NTN1: variants seen among roughly 807,000 people sequenced by gnomAD.
The protein encoded by NTN1 is netrin-1.
NTN1 carries 11 observed loss-of-function variants against 54.2 expected under a neutral mutation model. The ratio of observed to expected loss-of-function variants is 0.20; its 90% confidence interval spans 0.13 to 0.34. NTN1 has a LOEUF of 0.34. NTN1 is among the 10% of genes least tolerant of loss of function. The pLI, the probability that NTN1 is intolerant of heterozygous loss-of-function variation, is 1.00. For missense variants in NTN1, 740 were observed against 893.1 expected (o/e 0.83, Z 2.18); for synonymous variants, 371 against 382.0 (o/e 0.97, Z 0.33).
chr17:9,178,664 C>T (rs1400910745), intron 3 of NTN1, among the ~76,000 whole-genome samples: 2 of 152,206 alleles, frequency 1.3e-5, no homozygotes, highest in East Asian at 1.9e-4. Flanking sequence ...TTAGCAGCCA[C>T]GAGGGGACAC....
intron 6 of NTN1, among the ~76,000 whole-genome samples, chr17:9,229,851 A>C (rs1273668586): frequency 6.6e-6 from 1 of 152,094 alleles, no homozygotes; most frequent in Non-Finnish European, 1.5e-5. Context: ...GGCATAGAGA[A>C]GAGGCAGTGG....
chr17:9,068,873 G>A (rs964432001), intron 2 of NTN1, among the ~76,000 whole-genome samples: 4 of 152,006 alleles, frequency 2.6e-5, no homozygotes, highest in South Asian at 2.1e-4. Flanking sequence ...TGTCATCCTC[G>A]AATTTCCAAA....
At chr17:9,082,094 C>G (rs1815160) in intron 2 of NTN1, among the ~76,000 whole-genome samples, 106,898 of 152,060 alleles carry the variant, frequency 0.7, 37,851 homozygotes, top group East Asian at 0.95. Context: ...GAGTCTTGCT[C>G]TGTCCCCCAG....
At chr17:9,035,385 T>C (rs1273431853) in intron 2 of NTN1, among the ~76,000 whole-genome samples, 1 of 152,208 alleles carries the variant, frequency 6.6e-6, no homozygotes, top group Admixed American at 6.5e-5. Context: ...GTGATATAAA[T>C]GTATCACAGG....
At chr17:9,134,987 C>T (rs1567718821) in intron 2 of NTN1, among the ~76,000 whole-genome samples, 1 of 152,126 alleles carries the variant, frequency 6.6e-6, no homozygotes, top group Admixed American at 6.5e-5. Context: ...GGGGGTGCTG[C>T]CTCCTGAATG....
chr17:9,026,049 T>C (rs2091869470), intron 2 of NTN1, among the ~76,000 whole-genome samples: 1 of 152,188 alleles, frequency 6.6e-6, no homozygotes, highest in African/African-American at 2.4e-5. Flanking sequence ...TTAATAACAA[T>C]GAGCCTATTA....
At chr17:9,009,784 T>G in the NTN1 span, among the ~76,000 whole-genome samples, 64 of 152,324 alleles carry the variant, frequency 4.2e-4, 2 homozygotes, top group East Asian at 0.012. Flanking sequence ...CATGACTTTT[T>G]TCCCCCGCCT....
At chr17:9,183,295 C>T in intron 5 of NTN1, 1 of 580,226 alleles carries the variant, frequency 1.7e-6, no homozygotes, top group Non-Finnish European at 3.4e-6. Context: ...GTCACTCCTT[C>T]CTGGGGCTGC....
At chr17:9,175,849 C>T (rs1483764915) in intron 3 of NTN1, 2 of 152,244 alleles carry the variant, frequency 1.3e-5, no homozygotes, top group African/African-American at 4.8e-5. Context: ...CTGGCCTCAC[C>T]TTTCTCTTTA....
intron 5 of NTN1, among the ~76,000 whole-genome samples, chr17:9,210,663 T>C (rs143707358): frequency 1.8e-3 from 279 of 152,112 alleles, no homozygotes; most frequent in African/African-American, 6.6e-3. Flanking sequence ...TCCCAACACT[T>C]TGGGAGGCCG....
intron 3 of NTN1, chr17:9,174,629 A>T (rs1027910300): frequency 6.6e-6 from 1 of 152,140 alleles, no homozygotes; most frequent in African/African-American, 2.4e-5. Flanking sequence ...CTGTATCCCG[A>T]TGCCCTCTTC....
intron 2 of NTN1, among the ~76,000 whole-genome samples, chr17:9,060,400 A>G (rs2030794): frequency 0.92 from 139,473 of 152,302 alleles, 63,972 homozygotes; most frequent in East Asian, 1. Flanking sequence ...TATGTTATCC[A>G]TAAGGCTTCC....
At chr17:9,141,178 G>T (rs1271384969) in intron 2 of NTN1, among the ~76,000 whole-genome samples, 1 of 151,904 alleles carries the variant, frequency 6.6e-6, no homozygotes, top group African/African-American at 2.4e-5. Flanking sequence ...ATATATATTT[G>T]GGAGTCATTT....
intron 2 of NTN1, among the ~76,000 whole-genome samples, chr17:9,024,956 C>T (rs1339589581): frequency 1.3e-5 from 2 of 152,214 alleles, no homozygotes; most frequent in African/African-American, 4.8e-5. Context: ...CCCATCTCTT[C>T]TTTTCCCCCT....
Position 9,066,102 on chromosome 17 carries a change from G to A in NTN1, c.1018+42711G>A, listed in dbSNP as rs532353495. ...AATGCAATTATGTATATTATTGTCCGGTCAAGAAGATCACTAGTTGTATTA... is the reference window on the plus strand; with the variant it reads ...AATGCAATTATGTATATTATTGTCCAGTCAAGAAGATCACTAGTTGTATTA... On this transcript the variant is annotated intron_variant, in intron 2 of 6. Transcript: ENST00000173229. Among the ~76,000 whole-genome samples, 11 of 152,184 alleles carry A rather than the reference G, an allele frequency of 7.2e-5. No homozygotes were observed. The South Asian group carries it at 8.3e-4, about 11-fold the overall frequency.
intron 4 of NTN1, among the ~76,000 whole-genome samples, chr17:9,180,388 T>C (rs552130860): frequency 1.9e-4 from 29 of 152,226 alleles, no homozygotes; most frequent in Non-Finnish European, 4.0e-4. Flanking sequence ...CAAGGCCTCA[T>C]GCTCAGTGAG....
At chr17:9,235,029 C>A (rs1905939203) in intron 6 of NTN1, among the ~76,000 whole-genome samples, 1 of 141,352 alleles carries the variant, frequency 7.1e-6, no homozygotes, top group African/African-American at 2.7e-5. Flanking sequence ...GTGGTGCGAT[C>A]TCGGCTCACT....
chr17:9,134,954 C>G (rs921162018), intron 2 of NTN1, among the ~76,000 whole-genome samples: 2 of 152,162 alleles, frequency 1.3e-5, no homozygotes, highest in African/African-American at 4.8e-5. Context: ...GTTTGGGAGG[C>G]CTGTCCCTGA....
At chr17:9,114,163 A>G (rs1350959018) in intron 2 of NTN1, among the ~76,000 whole-genome samples, 1 of 115,762 alleles carries the variant, frequency 8.6e-6, no homozygotes, top group Non-Finnish European at 1.8e-5. Context: ...GAAAAAAAAA[A>G]AAAATATATA....
Sources: gnomAD v4.1 joint callset for allele counts (sites outside exome capture counted in the v4.1 genomes callset) on GRCh38, gnomAD v4.1.1 for gene constraint, MANE v1.5 for transcripts, NCBI Gene and HGNC (gene_info 2026-07-23, HGNC 2026-07-21) for gene names.